The following OCIAD1 variants were observed in gnomAD, a reference collection of about 807,000 sequenced individuals.
The protein encoded by OCIAD1 is OCIA domain containing 1.
A neutral mutation model predicts 38.9 loss-of-function variants in OCIAD1; 29 were observed. The ratio of observed to expected loss-of-function variants is 0.74; its 90% CI spans 0.55 to 1.02. OCIAD1 has a LOEUF of 1.02. Among genes scored for constraint, OCIAD1 ranks in the 50% least tolerant of loss-of-function variants. The pLI, the probability that OCIAD1 is intolerant of heterozygous loss-of-function variation, is 0.00. For synonymous variants in OCIAD1, 110 were observed against 92.0 expected (o/e 1.20, Z -1.12); for missense variants, 288 against 289.6 (o/e 0.99, Z 0.04).
intron 4 of OCIAD1, among the ~76,000 whole-genome samples, chr4:48,844,243 A>G (rs939630305): frequency 3.9e-5 from 6 of 152,330 alleles, no homozygotes; most frequent in Admixed American, 6.5e-5. Context: ...AATCCATTAA[A>G]TAGCTGAAGT....
intron 1 of OCIAD1, among the ~76,000 whole-genome samples, chr4:48,817,883 G>A (rs896815623): frequency 6.6e-6 from 1 of 152,192 alleles, no homozygotes; most frequent in Non-Finnish European, 1.5e-5. Context: ...GGGCATCTCT[G>A]AAGGAAAGGT....
intron 4 of OCIAD1, among the ~76,000 whole-genome samples, chr4:48,845,874 A>G (rs973863577): frequency 6.6e-6 from 1 of 152,248 alleles, no homozygotes; most frequent in Non-Finnish European, 1.5e-5. Flanking sequence ...AGCATAATTA[A>G]TGCAACCATA....
At chr4:48,838,515 T>C (rs933675343) in intron 3 of OCIAD1, among the ~76,000 whole-genome samples, 1 of 152,194 alleles carries the variant, frequency 6.6e-6, no homozygotes, top group African/African-American at 2.4e-5. Flanking sequence ...TGTAGAAGCT[T>C]GGTTGTAACC....
In OCIAD1 at chr4:48,861,611, A is replaced by G. The variant is rs1273452794; in HGVS notation, c.*849A>G. 6.6e-6 allele frequency: 1 copy of G among 152,146 alleles called. No homozygotes were observed. The highest frequency in any genetic ancestry group is 1.5e-5 in the Non-Finnish European group (1 of 68,024). The allele number at this position is 152,146 out of a possible 1,614,324, so 9.4% of individuals were successfully genotyped here. On this transcript the variant is annotated 3_prime_UTR_variant, in exon 9 of 9. Coordinates refer to ENST00000264312, the MANE Select transcript of OCIAD1 (RefSeq NM_017830.4). ...TGAGTTGGGAGGATCAGTTGAACCC[A>G]GTGGTTCTGGGTTGCAGTGAGCTGT...
At chr4:48,856,030 G>A (rs1414507882) in intron 7 of OCIAD1, 3 of 151,864 alleles carry the variant, frequency 2.0e-5, no homozygotes, top group Non-Finnish European at 2.9e-5. Flanking sequence ...GTGGTATGTG[G>A]TAGGTAAGAC....
intron 3 of OCIAD1, among the ~76,000 whole-genome samples, chr4:48,839,603 G>A (rs1778339983): frequency 6.6e-6 from 1 of 152,072 alleles, no homozygotes; most frequent in Non-Finnish European, 1.5e-5. Context: ...TTATTATAGG[G>A]ATTAATGCAA....
chr4:48,818,160 C>G (rs1350191921), intron 1 of OCIAD1, among the ~76,000 whole-genome samples: 1 of 152,178 alleles, frequency 6.6e-6, no homozygotes, highest in African/African-American at 2.4e-5. Flanking sequence ...ACAGACACCT[C>G]TTACAGGAGA....
In OCIAD1 at chr4:48,833,436, A is replaced by G; in HGVS notation, c.94A>G (p.Arg32Gly). The G allele has an allele frequency of 6.2e-7, 1 of 1,607,696 alleles. No homozygotes were observed. Among genetic ancestry groups the G allele is most frequent in the Non-Finnish European group, 8.5e-7 (1 of 1,174,616 alleles). The change falls in exon 3 of 9, where the codon AGG (arginine) becomes GGG (glycine). Residue 32 changes from arginine (R) to glycine (G), a missense_variant. Physicochemically the swap from Arg to Gly is moderately radical, Grantham distance 125 (BLOSUM62 -2). Coordinates refer to ENST00000264312, the MANE Select transcript of OCIAD1 (RefSeq NM_017830.4). ...GPDYIPTEEE[R>G]RVFAECNDES... ...TGATTACATTCCAACAGAGGAAGAAAGGAGAGTCTTCGCAGAATGCAATGA... is the reference window on the plus strand; with the variant it reads ...TGATTACATTCCAACAGAGGAAGAAGGGAGAGTCTTCGCAGAATGCAATGA...
chr4:48,857,340 G>A lies in OCIAD1; in HGVS notation c.675G>A (p.Met225Ile). Reference protein sequence around the residue: ...TQKTDPSVRPMHERVPKKEVK... With the variant: ...TQKTDPSVRPIHERVPKKEVK... ...AGACTGACCCCTCAGTCAGGCCTATGCATGAAAGAGTGCCAAAAAAAGAAG... is the reference window on the plus strand; with the variant it reads ...AGACTGACCCCTCAGTCAGGCCTATACATGAAAGAGTGCCAAAAAAAGAAG... The change falls in exon 8 of 9, where the codon ATG becomes ATA. Residue 225 changes from methionine (M) to isoleucine (I), a missense_variant. Coordinates refer to ENST00000264312, the MANE Select transcript of OCIAD1 (RefSeq NM_017830.4). 1 of 1,567,068 alleles carries A rather than the reference G, an allele frequency of 6.4e-7. No individual in the cohort carries two copies. Among genetic ancestry groups the A allele is most frequent in the South Asian group, 1.2e-5 (1 of 82,000 alleles).
intron 6 of OCIAD1, among the ~76,000 whole-genome samples, chr4:48,851,411 G>C (rs1341446050): frequency 6.6e-6 from 1 of 152,218 alleles, no homozygotes; most frequent in Non-Finnish European, 1.5e-5. Flanking sequence ...TTTGAGGCCA[G>C]ACGCGGTGGC....
intron 1 of OCIAD1, among the ~76,000 whole-genome samples, chr4:48,807,108 T>C (rs1209640457): frequency 6.6e-6 from 1 of 152,114 alleles, no homozygotes; most frequent in African/African-American, 2.4e-5. Flanking sequence ...AGTCTCGATA[T>C]GTTACCCATG....
upstream of OCIAD1, among the ~76,000 whole-genome samples, chr4:48,829,267 A>G (rs1287412947): frequency 6.6e-6 from 1 of 152,108 alleles, no homozygotes; most frequent in African/African-American, 2.4e-5. Context: ...CCTAAAAAAA[A>G]AAACAACAAA....
In OCIAD1 at chr4:48,851,977, T is replaced by C. The variant is rs760913027; in HGVS notation, c.547+2T>C. 77 of 1,588,968 alleles carry C rather than the reference T, an allele frequency of 4.8e-5. No homozygotes were observed. The highest frequency in any genetic ancestry group is 6.3e-5 in the Non-Finnish European group (73 of 1,167,734). On this transcript the variant is annotated splice_donor_variant, in intron 7 of 8. Transcript: ENST00000264312. LOFTEE classifies it high-confidence loss of function. Reference sequence around the variant, plus strand: ...GTATTACTGATCATATTGTCCAAGGTAGAAACTTCTCTTGAAATGAATTTC... The same window carrying C: ...GTATTACTGATCATATTGTCCAAGGCAGAAACTTCTCTTGAAATGAATTTC...
At position 48,831,506 on chromosome 4, in the gene OCIAD1, G is replaced by A. The variant is rs112527680; in HGVS notation, c.-6+257G>A. ...CAGTCTGTAACGGCAGGTGGGAGAC[G>A]GACACTGGGTGGAGGATGGAGTGCG... On this transcript the variant is annotated intron_variant, in intron 1 of 8. Transcript: ENST00000264312. 150 of 1,290,570 alleles carry A rather than the reference G, an allele frequency of 1.2e-4. 2 individuals carry two copies. The Middle Eastern group carries it at 1.3e-3, about 12-fold the overall frequency. The allele number at this position is 1,290,570 out of a possible 1,614,324, so 79.9% of individuals were successfully genotyped here. A position where few individuals can be genotyped will look rare whatever the true frequency, so the allele number is the denominator to read the frequency against.
intron 3 of OCIAD1, among the ~76,000 whole-genome samples, chr4:48,842,265 G>A (rs1226804783): frequency 2.0e-5 from 3 of 152,214 alleles, no homozygotes; most frequent in Non-Finnish European, 4.4e-5. Flanking sequence ...GTTCTTACTT[G>A]TAACTTGTTT....
In OCIAD1 at chr4:48,824,720, G is replaced by A. The variant is rs111544946; in HGVS notation, c.-102-5857G>A. 6.5e-3 allele frequency among the ~76,000 whole-genome samples: 996 copies of A among 152,150 alleles called. 13 individuals are homozygous for A. The highest frequency in any genetic ancestry group is 0.023 in the African/African-American group (957 of 41,492). Reference sequence around the variant, plus strand: ...CAGAAATATAATGAATGACAATTCAGGTGAATTTTGAATTCAAATGAACTT... The same window carrying A: ...CAGAAATATAATGAATGACAATTCAAGTGAATTTTGAATTCAAATGAACTT... On this transcript the variant is annotated intron_variant, in intron 1 of 6. Transcript: ENST00000504654.
rs1286485937 is a variant in OCIAD1, at chr4:48,849,932, G to T, written c.242-15G>T. On this transcript the variant is annotated splice_polypyrimidine_tract_variant and intron_variant, in intron 5 of 8. Coordinates refer to ENST00000264312, the MANE Select transcript of OCIAD1 (RefSeq NM_017830.4). ...GCACATTCAGTTACACTTTTTGTTT[G>T]ATTTTACAAATAAGTTGCTTGTATC... is the stretch of plus-strand genomic sequence containing the variant. The T allele has an allele frequency of 4.4e-6, 7 of 1,585,064 alleles. No individual in the cohort carries two copies. In the Admixed American group the frequency reaches 5.8e-5, roughly 13 times the overall value.
chr4:48,826,831 CT>C (rs1175667730), upstream of OCIAD1, among the ~76,000 whole-genome samples: 3 of 152,174 alleles, frequency 2.0e-5, no homozygotes, highest in African/African-American at 7.2e-5. Context: ...GTAATGTACA[CT>C]TTTCCTCACA....
chr4:48,857,389 CT>C, intron 8 of OCIAD1, 24 bp downstream of exon 8: 1 of 1,466,060 alleles, frequency 6.8e-7, no homozygotes, highest in Non-Finnish European at 9.1e-7. Context: ...GTCTGAATCA[CT>C]TTACTGTTGA....
Sources: gnomAD v4.1 joint callset for allele counts (sites outside exome capture counted in the v4.1 genomes callset) on GRCh38, gnomAD v4.1.1 for gene constraint, MANE v1.5 for transcripts, NCBI Gene and HGNC (gene_info 2026-07-23, HGNC 2026-07-21) for gene names.